Variants in CDH13 observed in about 807,000 individuals in gnomAD.
CDH13 encodes cadherin 13.
In CDH13, 24 loss-of-function variants were observed where a neutral mutation model predicts 63.8. The observed-to-expected ratio is 0.38, with a 90% CI of 0.27 to 0.53. CDH13 has a LOEUF of 0.53. CDH13 is among the 20% of genes least tolerant of loss of function. The pLI is 0.85. For synonymous variants in CDH13, 503 were observed against 355.3 expected, an observed-to-expected ratio of 1.42 and a Z score of -4.67; for missense variants, 1,049 against 903.1, an observed-to-expected ratio of 1.16 and a Z score of -2.07.
At chr16:83,493,431 A>G (rs2074064484) in intron 7 of CDH13, among the ~76,000 whole-genome samples, 1 of 152,230 alleles carries the variant, frequency 6.6e-6, no homozygotes, top group African/African-American at 2.4e-5. Context: ...GGATATCAGG[A>G]CGCAAAGATT....
intron 8 of CDH13, among the ~76,000 whole-genome samples, chr16:83,606,820 C>T (rs553683797): frequency 7.9e-5 from 12 of 151,228 alleles, no homozygotes; most frequent in South Asian, 2.1e-4. Flanking sequence ...CTTTCTGCTC[C>T]GCCGCCCTCA....
At chr16:82,917,679 A>T (rs556545168) in intron 2 of CDH13, among the ~76,000 whole-genome samples, 6 of 152,334 alleles carry the variant, frequency 3.9e-5, no homozygotes, top group African/African-American at 1.4e-4. Context: ...TGGGAGGCTG[A>T]GGCAGGCGGA....
At chr16:83,094,439 C>A (rs748390244) in intron 3 of CDH13, among the ~76,000 whole-genome samples, 1 of 152,164 alleles carries the variant, frequency 6.6e-6, no homozygotes, top group Non-Finnish European at 1.5e-5. Context: ...ACTGACCCTG[C>A]AGAGAGCTTT....
intron 1 of CDH13, among the ~76,000 whole-genome samples, chr16:82,709,378 C>G (rs1471420543): frequency 6.6e-6 from 1 of 152,136 alleles, no homozygotes; most frequent in Non-Finnish European, 1.5e-5. Flanking sequence ...AATTCTATGT[C>G]TTATTTAAAG....
intron 10 of CDH13, among the ~76,000 whole-genome samples, chr16:83,712,388 C>A (rs1365297938): frequency 2.0e-5 from 3 of 152,182 alleles, no homozygotes; most frequent in African/African-American, 7.2e-5. Flanking sequence ...AAAACAGGAT[C>A]TTTGCCCAAC....
intron 6 of CDH13, among the ~76,000 whole-genome samples, chr16:83,404,298 C>G (rs1261770202): frequency 6.6e-6 from 1 of 152,248 alleles, no homozygotes; most frequent in Non-Finnish European, 1.5e-5. Flanking sequence ...TTCCCCACTT[C>G]TCAGTACAGC....
intron 1 of CDH13, among the ~76,000 whole-genome samples, chr16:82,751,596 G>T (rs1048898110): frequency 1.3e-5 from 2 of 151,896 alleles, no homozygotes; most frequent in South Asian, 2.1e-4. Context: ...CAGGTTCCTG[G>T]AAAGGTCAGA....
At chr16:83,201,886 G>A (rs1264687435) in intron 4 of CDH13, among the ~76,000 whole-genome samples, 2 of 152,182 alleles carry the variant, frequency 1.3e-5, no homozygotes, top group Non-Finnish European at 2.9e-5. Flanking sequence ...CTGCACTCCA[G>A]CCTAGGCAAC....
chr16:83,650,775 T>C (rs189332530), intron 8 of CDH13, among the ~76,000 whole-genome samples: 163 of 152,180 alleles, frequency 1.1e-3, no homozygotes, highest in African/African-American at 3.7e-3. Flanking sequence ...AGATTACAAT[T>C]CGAAAAGAAA....
At chr16:82,959,649 A>T (rs983282651) in intron 2 of CDH13, among the ~76,000 whole-genome samples, 18 of 152,188 alleles carry the variant, frequency 1.2e-4, no homozygotes, top group African/African-American at 4.3e-4. Flanking sequence ...CACCTGGGTA[A>T]GTGAGAAGAC....
At chr16:82,857,702 A>G (rs936189320) in intron 1 of CDH13, among the ~76,000 whole-genome samples, 1 of 152,236 alleles carries the variant, frequency 6.6e-6, no homozygotes, top group Non-Finnish European at 1.5e-5. Flanking sequence ...TAATTTTAAT[A>G]ACATATATTT....
chr16:82,871,967 C>T (rs796759488), intron 2 of CDH13, among the ~76,000 whole-genome samples: 5 of 152,328 alleles, frequency 3.3e-5, no homozygotes, highest in African/African-American at 1.2e-4. Flanking sequence ...ACTTGGTTTA[C>T]GTGCTTATCC....
chr16:83,279,195 A>G (rs1023928547), intron 5 of CDH13, among the ~76,000 whole-genome samples: 1 of 152,164 alleles, frequency 6.6e-6, no homozygotes, highest in Admixed American at 6.5e-5. Context: ...TCATAGATAC[A>G]AACGAGTCTA....
At chr16:83,576,395 T>C (rs1385296094) in intron 7 of CDH13, among the ~76,000 whole-genome samples, 2 of 152,252 alleles carry the variant, frequency 1.3e-5, no homozygotes, top group Non-Finnish European at 2.9e-5. Context: ...GCACATTTTG[T>C]TTATCCATTC....
At chr16:83,229,785 C>T (rs2039951460) in intron 5 of CDH13, among the ~76,000 whole-genome samples, 1 of 152,158 alleles carries the variant, frequency 6.6e-6, no homozygotes, top group African/African-American at 2.4e-5. Context: ...GAGGGACTAT[C>T]TTATATTCTT....
At chr16:83,031,354 A>G (rs573214569) in intron 2 of CDH13, among the ~76,000 whole-genome samples, 1 of 131,022 alleles carries the variant, frequency 7.6e-6, no homozygotes, top group South Asian at 2.6e-4. Flanking sequence ...CGTATATGGT[A>G]TATACATGTA....
chr16:83,191,458 A>AATATATATATATAT (rs57044100), intron 4 of CDH13, among the ~76,000 whole-genome samples: 2 of 80,580 alleles, frequency 2.5e-5, no homozygotes, highest in East Asian at 3.6e-4. Flanking sequence ...ACTAATAGGA[A>AATATATATATATAT]ATATATATAT....
intron 2 of CDH13, among the ~76,000 whole-genome samples, chr16:82,901,991 T>G (rs2041487418): frequency 6.6e-6 from 1 of 152,222 alleles, no homozygotes; most frequent in Non-Finnish European, 1.5e-5. Flanking sequence ...TGAGATTTCT[T>G]TTAGTGACTT....
chr16:83,034,221 T>G (rs771979385), intron 3 of CDH13, among the ~76,000 whole-genome samples: 1 of 152,160 alleles, frequency 6.6e-6, no homozygotes, highest in Non-Finnish European at 1.5e-5. Flanking sequence ...CTGAGTATCC[T>G]TCTCACTGCA....
Sources: allele counts gnomAD v4.1 joint callset (sites outside exome capture counted in the v4.1 genomes callset), GRCh38; gene constraint gnomAD v4.1.1; transcripts MANE v1.5; gene names NCBI Gene and HGNC (gene_info 2026-07-23, HGNC 2026-07-21).